The following MAP4 variants were observed in gnomAD, a reference collection of about 807,000 sequenced individuals.
MAP4 encodes microtubule-associated protein 4.
A neutral mutation model predicts 170.2 loss-of-function variants in MAP4; 76 were observed. That is an observed-to-expected ratio of 0.45 (90% CI 0.37 to 0.54). The LOEUF (loss-of-function observed/expected upper bound fraction) is 0.54, where lower values mean the gene tolerates loss of function less well. MAP4 is among the 20% of genes least tolerant of loss of function. MAP4 has a pLI of 0.00. For synonymous variants in MAP4, 909 were observed against 994.5 expected, an observed-to-expected ratio of 0.91 and a Z score of 1.62; for missense variants, 2,506 against 2,748.0, an observed-to-expected ratio of 0.91 and a Z score of 1.97.
At chr3:48,019,054 C>T (rs1679414378), upstream of MAP4, among the ~76,000 whole-genome samples, 1 of 152,218 alleles carries the variant, frequency 6.6e-6, no homozygotes, top group South Asian at 2.1e-4. Flanking sequence ...CGACCAGTTA[C>T]TGGCCTGGCA....
In MAP4 at chr3:47,853,397, G is replaced by A. The variant is rs766991401; in HGVS notation, c.6697-45C>T. On this transcript the variant is annotated intron_variant, in intron 19 of 20. Transcript: ENST00000683076. ...GAGACAGTGCAGGGTCAGTCGAGGG[G>A]GGGAGTGGGATGGGGTGATGGTGGT... is the stretch of plus-strand genomic sequence containing the variant. The A allele has an allele frequency of 3.7e-6, 5 of 1,345,862 alleles. 1 individual carries two copies. The highest frequency in any genetic ancestry group is 5.1e-6 in the Non-Finnish European group (5 of 977,918). The allele number at this position is 1,345,862 out of a possible 1,614,324, so 83.4% of individuals were successfully genotyped here.
At chr3:47,881,159 A>C (rs2096646911) in intron 10 of MAP4, among the ~76,000 whole-genome samples, 2 of 151,776 alleles carry the variant, frequency 1.3e-5, no homozygotes, top group Non-Finnish European at 2.9e-5. Flanking sequence ...ACTTTGTCTG[A>C]TGTTAGTATA....
intron 9 of MAP4, among the ~76,000 whole-genome samples, chr3:47,907,642 G>C (rs1189619713): frequency 2.0e-5 from 3 of 152,088 alleles, no homozygotes; most frequent in Non-Finnish European, 2.9e-5. Flanking sequence ...TCCTCTTTCT[G>C]CATTTCTTTG....
Position 47,909,807 on chromosome 3 carries a change from T to C in MAP4, c.4614A>G (p.Lys1538=). ...GCCCTTCATCGATCCCTGCTTCATT[T>C]TTCATGGAATCAGCAAGCTCAGCTT... ...KNKAELADSM[K]NEAGIDEGHV... is the part of the protein sequence containing the mutation. The change falls in exon 9 of 21, where the codon AAA becomes AAG. Residue 1538 remains lysine (K), a synonymous_variant. Transcript: ENST00000683076. 6.2e-7 allele frequency: 1 copy of C among 1,614,038 alleles called. No homozygotes were observed. Among genetic ancestry groups the C allele is most frequent in the Non-Finnish European group, 8.5e-7 (1 of 1,179,894 alleles).
At chr3:47,945,625 T>C (rs1172412229) in intron 3 of MAP4, among the ~76,000 whole-genome samples, 1 of 152,088 alleles carries the variant, frequency 6.6e-6, no homozygotes, top group East Asian at 1.9e-4. Flanking sequence ...TCTTAAAAGA[T>C]GCAATCTACA....
At chr3:48,079,949 CA>C (rs535174502) in intron 1 of MAP4, among the ~76,000 whole-genome samples, 2,395 of 110,564 alleles carry the variant, frequency 0.022, 40 homozygotes, top group African/African-American at 0.045. Context: ...GACTCCGTCT[CA>C]AAAAAAAAAA....
chr3:48,074,085 T>G (rs1339804428), intron 1 of MAP4, among the ~76,000 whole-genome samples: 1 of 151,942 alleles, frequency 6.6e-6, no homozygotes, highest in Non-Finnish European at 1.5e-5. Flanking sequence ...TAGACTGGAC[T>G]AAGAAAATGT....
chr3:48,031,059 G>C lies in MAP4; in HGVS notation c.-19-32180C>G, dbSNP rs1298860196. ...AGAGTACAATATGAAAATGGGAGGG[G>C]GGGGTAAGAGAAATATGACAAATAC... On this transcript the variant is annotated intron_variant, in intron 1 of 18. Coordinates refer to the MAP4 transcript ENST00000360240. Among the ~76,000 whole-genome samples, 5 of 152,064 alleles carry C rather than the reference G, an allele frequency of 3.3e-5. No homozygotes were observed. The East Asian group carries it at 5.8e-4, about 18-fold the overall frequency.
At chr3:47,944,122 C>T (rs768630497) in intron 3 of MAP4, among the ~76,000 whole-genome samples, 19 of 151,900 alleles carry the variant, frequency 1.3e-4, no homozygotes, top group Non-Finnish European at 2.5e-4. Context: ...ACAGCCTGAT[C>T]AACATGGTGA....
chr3:48,021,118 A>C (rs2100110335), upstream of MAP4, among the ~76,000 whole-genome samples: 1 of 152,186 alleles, frequency 6.6e-6, no homozygotes, highest in Non-Finnish European at 1.5e-5. Context: ...AATGAAATGC[A>C]ACACAGGATT....
At chr3:47,959,654 G>A (rs919139250) in intron 3 of MAP4, among the ~76,000 whole-genome samples, 4 of 151,122 alleles carry the variant, frequency 2.6e-5, no homozygotes, top group Non-Finnish European at 5.9e-5. Flanking sequence ...AGCTACTCAG[G>A]AGGCTGAGGC....
At chr3:48,086,148 ACACT>A (rs1407255715) in intron 1 of MAP4, among the ~76,000 whole-genome samples, 2 of 151,792 alleles carry the variant, frequency 1.3e-5, no homozygotes, top group African/African-American at 2.4e-5. Flanking sequence ...GTATATACAC[ACACT>A]CACACACACA....
At chr3:47,895,035 A>AG (rs1162408061) in intron 10 of MAP4, among the ~76,000 whole-genome samples, 4 of 151,410 alleles carry the variant, frequency 2.6e-5, no homozygotes, top group African/African-American at 9.7e-5. Context: ...AAAAAAAAAA[A>AG]GGGGGTGAGG....
At chr3:48,056,258 A>G (rs2100131442) in intron 1 of MAP4, among the ~76,000 whole-genome samples, 2 of 99,170 alleles carry the variant, frequency 2.0e-5, no homozygotes, top group African/African-American at 3.6e-5. Flanking sequence ...TCCGGGAGGG[A>G]GGTGGGGGGG....
intron 10 of MAP4, among the ~76,000 whole-genome samples, chr3:47,898,530 C>G (rs1031903864): frequency 6.6e-6 from 1 of 151,568 alleles, no homozygotes; most frequent in Non-Finnish European, 1.5e-5. Context: ...TACACTATTG[C>G]TTTTGCAAGG....
chr3:48,077,502 AT>A (rs574202980), intron 1 of MAP4, among the ~76,000 whole-genome samples: 105 of 145,514 alleles, frequency 7.2e-4, no homozygotes, highest in Admixed American at 1.4e-3. Flanking sequence ...TCTGGTTTTA[AT>A]TTTTTTTTTT....
At chr3:48,026,248 G>A (rs1411810447) in intron 1 of MAP4, among the ~76,000 whole-genome samples, 3 of 152,142 alleles carry the variant, frequency 2.0e-5, no homozygotes, top group Admixed American at 6.5e-5. Flanking sequence ...TTAAGATTGA[G>A]TTTGCCTTGT....
chr3:47,875,664 A>G (rs745601889), intron 12 of MAP4, 21 bp downstream of exon 12: 1 of 1,602,316 alleles, frequency 6.2e-7, no homozygotes, highest in Admixed American at 1.7e-5. Flanking sequence ...TCCTCGGCAC[A>G]GTAGTTAGGT....
In MAP4 at chr3:47,857,512, C is replaced by T. The variant is rs1248046497; in HGVS notation, c.6502G>A (p.Val2168Ile). 2 of 1,608,626 alleles carry T rather than the reference C, an allele frequency of 1.2e-6. No individual in the cohort carries two copies. Among genetic ancestry groups the T allele is most frequent in the South Asian group, 1.1e-5 (1 of 90,950 alleles). Residue 2168 changes from valine (V) to isoleucine (I), a missense_variant and splice_region_variant, in exon 18 of 21, where the codon GTT (valine) becomes ATT (isoleucine). This residue lies in a region of MAP4 where 487 missense variants were observed against 511.6 expected (regional missense o/e 0.95). Transcript: ENST00000683076. The stretch of plus-strand genomic sequence containing the variant: ...TCCACTTTCTTGTTCTGAATCTGAA[C>T]CTGAAGAGAAGGACACAAAAGACTC... ...NIKHVPGGGN[V>I]QIQNKKVDIS...
Sources: allele counts gnomAD v4.1 joint callset (sites outside exome capture counted in the v4.1 genomes callset), GRCh38; gene constraint gnomAD v4.1.1; regional missense constraint gnomAD v4.1.1; transcripts MANE v1.5; gene names NCBI Gene and HGNC (gene_info 2026-07-23, HGNC 2026-07-21).